PARVA: variants seen among roughly 807,000 people sequenced by gnomAD.
PARVA encodes parvin alpha, also known as alpha-parvin.
A neutral mutation model predicts 52.6 loss-of-function variants in PARVA; 25 were observed. The ratio of observed to expected loss-of-function variants is 0.48; its 90% confidence interval spans 0.35 to 0.66. PARVA has a LOEUF of 0.66. Ranked by LOEUF, PARVA falls within the 30% of genes least tolerant of loss-of-function variation. PARVA has a pLI of 0.01. For synonymous variants in PARVA, 185 were observed against 179.1 expected (o/e 1.03, Z -0.26); for missense variants, 373 against 450.9 (o/e 0.83, Z 1.56).
chr11:12,413,056 C>T (rs1041663413), intron 1 of PARVA, among the ~76,000 whole-genome samples: 3 of 152,236 alleles, frequency 2.0e-5, no homozygotes, highest in African/African-American at 7.2e-5. Flanking sequence ...AGCTCTTGTG[C>T]ATTGGGTGCC....
rs1421040293 is a variant in PARVA at position 12,514,488 on chromosome 11, G to C, written c.867+423G>C. 2.6e-5 allele frequency among the ~76,000 whole-genome samples: 4 copies of C among 152,108 alleles called. No homozygotes were observed. The East Asian group carries it at 7.7e-4, about 29-fold the overall frequency. The stretch of plus-strand genomic sequence containing the variant: ...TGACATTCGACTGTTTTTGTTTTCT[G>C]TTTTGTTTTGTTTTTTGAGATAGAG... On this transcript the variant is annotated intron_variant, in intron 10 of 12. Transcript: ENST00000334956.
At chr11:12,387,091 C>T (rs1589937171) in intron 1 of PARVA, among the ~76,000 whole-genome samples, 2 of 152,364 alleles carry the variant, frequency 1.3e-5, no homozygotes, top group Middle Eastern at 6.8e-3. Flanking sequence ...TTGTAAGCAT[C>T]TAAAATCTCC....
intron 1 of PARVA, among the ~76,000 whole-genome samples, chr11:12,442,525 T>G (rs1399670901): frequency 6.6e-6 from 1 of 152,102 alleles, no homozygotes; most frequent in Non-Finnish European, 1.5e-5. Flanking sequence ...CACTAGGAGC[T>G]TGAGGCTGCT....
chr11:12,476,990 A>G (rs1205567729), intron 3 of PARVA: 2 of 152,250 alleles, frequency 1.3e-5, no homozygotes, highest in Non-Finnish European at 2.9e-5. Flanking sequence ...ATTGAGTACA[A>G]AGGGACCTAC....
At chr11:12,520,835 C>T (rs1221452329) in intron 12 of PARVA, among the ~76,000 whole-genome samples, 1 of 151,914 alleles carries the variant, frequency 6.6e-6, no homozygotes, top group African/African-American at 2.4e-5. Context: ...GCCTGTGGTC[C>T]CAGCTCCTCG....
At chr11:12,508,100 A>T (rs1189091055) in intron 6 of PARVA, among the ~76,000 whole-genome samples, 28 of 32,722 alleles carry the variant, frequency 8.6e-4, no homozygotes, top group Non-Finnish European at 1.4e-3. Context: ...TTTATCAGTT[A>T]AAAAAAAAAA....
At chr11:12,449,447 C>T (rs1479525224) in intron 1 of PARVA, among the ~76,000 whole-genome samples, 1 of 152,160 alleles carries the variant, frequency 6.6e-6, no homozygotes, top group African/African-American at 2.4e-5. Flanking sequence ...GTGTGAGCCA[C>T]AGCACCTGGC....
At chr11:12,426,503 T>A (rs1176141035) in intron 1 of PARVA, among the ~76,000 whole-genome samples, 1 of 152,002 alleles carries the variant, frequency 6.6e-6, no homozygotes, top group Non-Finnish European at 1.5e-5. Context: ...ATATATATTT[T>A]CAGAGATGTT....
chr11:12,442,756 C>G (rs1295427056), intron 1 of PARVA, among the ~76,000 whole-genome samples: 4 of 152,010 alleles, frequency 2.6e-5, no homozygotes, highest in Admixed American at 6.6e-5. Context: ...GGGTAGAAGG[C>G]AGAGGCTGCT....
intron 4 of PARVA, among the ~76,000 whole-genome samples, chr11:12,495,533 T>A (rs191778605): frequency 9.6e-4 from 146 of 152,346 alleles, no homozygotes; most frequent in Non-Finnish European, 1.7e-3. Context: ...GCAACCAATT[T>A]CCTGTTAAGG....
chr11:12,503,051 A>G (rs1941383161), intron 5 of PARVA, among the ~76,000 whole-genome samples: 2 of 152,074 alleles, frequency 1.3e-5, no homozygotes, highest in Non-Finnish European at 2.9e-5. Flanking sequence ...GAAAACTACA[A>G]CCCAGTGTGA....
chr11:12,461,389 C>T (rs992881221), intron 1 of PARVA, among the ~76,000 whole-genome samples: 11 of 152,304 alleles, frequency 7.2e-5, no homozygotes, highest in Middle Eastern at 3.4e-3. Flanking sequence ...TGCACACCCA[C>T]GCACAAAGGC....
At chr11:12,388,684 TTATTA>T (rs1939613904) in intron 1 of PARVA, among the ~76,000 whole-genome samples, 1 of 152,058 alleles carries the variant, frequency 6.6e-6, no homozygotes, top group Non-Finnish European at 1.5e-5. Context: ...CTATTCTTCT[TTATTA>T]TAATTTTTTT....
At chr11:12,396,612 GGCC>G (rs1168356579) in intron 1 of PARVA, among the ~76,000 whole-genome samples, 7 of 152,304 alleles carry the variant, frequency 4.6e-5, no homozygotes, top group Non-Finnish European at 8.8e-5. Context: ...AACAGGGCCT[GGCC>G]CTCAGTGGGC....
intron 5 of PARVA, 32 bp from the exon 6 acceptor site, chr11:12,504,282 T>A (rs1168796643): frequency 8.2e-7 from 1 of 1,225,756 alleles, no homozygotes. Flanking sequence ...TGGAAGAAGA[T>A]GCTGTAATTT....
intron 4 of PARVA, among the ~76,000 whole-genome samples, chr11:12,480,969 C>G (rs1739667304): frequency 6.6e-6 from 1 of 152,122 alleles, no homozygotes; most frequent in African/African-American, 2.4e-5. Context: ...TTACGTTCCC[C>G]TCTGGCTATT....
chr11:12,529,486 G>A lies in PARVA; in HGVS notation c.*1561G>A, dbSNP rs938662966. On this transcript the variant is annotated 3_prime_UTR_variant, in exon 13 of 13. Transcript: ENST00000334956. ...ATCAATTGTGCTGATATTACATCTC[G>A]TTATGGAATGTTCCTAAATATGCCA... is the stretch of plus-strand genomic sequence containing the variant. 1.3e-5 allele frequency: 2 copies of A among 152,122 alleles called. No homozygotes were observed. The highest frequency in any genetic ancestry group is 2.4e-5 in the African/African-American group (1 of 41,416). The allele number at this position is 152,122 out of a possible 1,614,324, so 9.4% of individuals were successfully genotyped here.
chr11:12,444,958 C>A (rs1454037003), intron 1 of PARVA, among the ~76,000 whole-genome samples: 1 of 152,068 alleles, frequency 6.6e-6, no homozygotes, highest in Non-Finnish European at 1.5e-5. Context: ...GAGGGCTTGT[C>A]GTATAAAGAA....
At chr11:12,515,175 T>A (rs1437202703) in intron 10 of PARVA, among the ~76,000 whole-genome samples, 1 of 152,232 alleles carries the variant, frequency 6.6e-6, no homozygotes, top group Non-Finnish European at 1.5e-5. Context: ...AAAGTTATTT[T>A]TCCTCTCTTT....
Sources: allele counts gnomAD v4.1 joint callset (sites outside exome capture counted in the v4.1 genomes callset), GRCh38; gene constraint gnomAD v4.1.1; transcripts MANE v1.5; gene names NCBI Gene and HGNC (gene_info 2026-07-23, HGNC 2026-07-21).